The following MORC1 variants were observed in gnomAD, a reference collection of about 807,000 sequenced individuals.
MORC1 encodes MORC family CW-type zinc finger 1.
MORC1 carries 59 observed loss-of-function variants against 134.9 expected under a neutral mutation model. The ratio of observed to expected loss-of-function variants is 0.44; its 90% confidence interval spans 0.35 to 0.54. The LOEUF (loss-of-function observed/expected upper bound fraction) is 0.54, where lower values mean the gene tolerates loss of function less well. MORC1 is among the 20% of genes least tolerant of loss of function. The probability of loss-of-function intolerance (pLI) is 0.00; values close to 1 mark genes in which losing one functional copy is unlikely to be tolerated. For missense variants in MORC1, 947 were observed against 1,134.5 expected, an observed-to-expected ratio of 0.83 and a Z score of 2.37; for synonymous variants, 395 against 391.7, an observed-to-expected ratio of 1.01 and a Z score of -0.10.
intron 8 of MORC1, among the ~76,000 whole-genome samples, chr3:109,075,319 T>C (rs773365771): frequency 2.6e-5 from 4 of 152,168 alleles, no homozygotes; most frequent in Non-Finnish European, 5.9e-5. Context: ...AAGAAAACTA[T>C]ATGACCCACT....
intron 15 of MORC1, among the ~76,000 whole-genome samples, chr3:109,033,610 A>C (rs941743661): frequency 6.6e-6 from 1 of 152,186 alleles, no homozygotes; most frequent in Non-Finnish European, 1.5e-5. Flanking sequence ...AAGGTTAAGA[A>C]CTTGAACAGC....
intron 8 of MORC1, among the ~76,000 whole-genome samples, chr3:109,090,004 G>C (rs898852636): frequency 1.1e-4 from 16 of 152,022 alleles, no homozygotes; most frequent in African/African-American, 3.4e-4. Context: ...GGCACTCTCC[G>C]TAAGTCATAT....
At chr3:109,007,208 A>C in intron 17 of MORC1, 117 bp from the exon 18 acceptor site, 8 of 711,846 alleles carry the variant, frequency 1.1e-5, no homozygotes, top group Non-Finnish European at 1.6e-5. Flanking sequence ...GCAAACCCTC[A>C]TGAATAATTG....
intron 6 of MORC1, among the ~76,000 whole-genome samples, chr3:109,098,501 C>A (rs1026049688): frequency 2.2e-4 from 34 of 152,300 alleles, no homozygotes; most frequent in African/African-American, 7.7e-4. Context: ...ACCGTCCATC[C>A]AAACTCCATA....
At chr3:108,984,859 C>A (rs138140588) in intron 22 of MORC1, 77 bp from the exon 23 acceptor site, 9 of 1,020,566 alleles carry the variant, frequency 8.8e-6, no homozygotes, top group African/African-American at 1.6e-5. Context: ...GTTAGCAGTT[C>A]ATTAACTACC....
At chr3:109,084,840 C>T (rs1950586743) in intron 8 of MORC1, among the ~76,000 whole-genome samples, 1 of 151,998 alleles carries the variant, frequency 6.6e-6, no homozygotes, top group Non-Finnish European at 1.5e-5. Flanking sequence ...AGATATAAAT[C>T]CACACATTTA....
intron 13 of MORC1, among the ~76,000 whole-genome samples, chr3:109,055,776 C>A (rs13087474): frequency 0.42 from 64,386 of 151,968 alleles, 14,352 homozygotes; most frequent in Middle Eastern, 0.55. Context: ...TCTCTTTTAC[C>A]GAAGGGTGGC....
chr3:109,005,360 A>G (rs1948514308), intron 18 of MORC1, 45 bp from the exon 19 acceptor site: 1 of 1,488,970 alleles, frequency 6.7e-7, no homozygotes, highest in East Asian at 2.3e-5. Context: ...TAGATAGCCT[A>G]TTTATAATTA....
rs1175317990 is a variant in MORC1, at chr3:108,958,988, T to C, written c.2932A>G (p.Asn978Asp). 1 of 1,508,994 alleles carries C rather than the reference T, an allele frequency of 6.6e-7. No homozygotes were observed. The highest frequency in any genetic ancestry group is 8.8e-7 in the Non-Finnish European group (1 of 1,131,210). The allele number at this position is 1,508,994 out of a possible 1,614,324, so 93.5% of individuals were successfully genotyped here. ...ACTTAATTTTCCGAAGTCTTTTCAT[T>C]TTTTTCTAAAGGGAGTCTATGTCTT... ...DARHRLPLEK[N>D]EKTSEN The change falls in exon 28 of 28, where the codon AAT (asparagine) becomes GAT (aspartate). Residue 978 changes from asparagine (N) to aspartate (D), a missense_variant. By Grantham distance (23) the Asn-to-Asp change is conservative. Around this residue, in one of 3 missense-constraint regions of MORC1, gnomAD observed 722 missense variants for 817.0 expected, o/e 0.88. Transcript: ENST00000232603.
At position 108,974,025 on chromosome 3, in the gene MORC1, G is replaced by T. The variant is rs113390994; in HGVS notation, c.2478-2623C>A. On this transcript the variant is annotated intron_variant, in intron 24 of 27. Coordinates refer to ENST00000232603, the MANE Select transcript of MORC1 (RefSeq NM_014429.4). The stretch of plus-strand genomic sequence containing the variant: ...TATTCCTATTTTCTCTGATTTCCTG[G>T]CTATTACAGACACCCCCACCCCCCC... Among the ~76,000 whole-genome samples the T allele has an allele frequency of 7.7e-3, 1,169 of 151,952 alleles. 10 individuals are homozygous for T. The highest frequency in any genetic ancestry group is 0.017 in the African/African-American group (713 of 41,392).
In MORC1 at chr3:109,012,207, T is replaced by C. The variant is rs149210593; in HGVS notation, c.1705-5116A>G. 1.9e-3 allele frequency among the ~76,000 whole-genome samples: 285 copies of C among 152,316 alleles called. 3 individuals are homozygous for C. Among genetic ancestry groups the C allele is most frequent in the African/African-American group, 6.1e-3 (253 of 41,574 alleles). On this transcript the variant is annotated intron_variant, in intron 17 of 27. Coordinates refer to ENST00000232603, the MANE Select transcript of MORC1 (RefSeq NM_014429.4). ...TGGTTCCATTTGTTGAAAAGATTCTTATTCTCTCATTAAAATGTCTTGATC... is the reference window on the plus strand; with the variant it reads ...TGGTTCCATTTGTTGAAAAGATTCTCATTCTCTCATTAAAATGTCTTGATC...
intron 16 of MORC1, among the ~76,000 whole-genome samples, chr3:109,031,912 C>A (rs903722952): frequency 6.6e-6 from 1 of 152,130 alleles, no homozygotes; most frequent in Non-Finnish European, 1.5e-5. Context: ...ATCTAAGACC[C>A]TTTGCCACCT....
chr3:109,054,999 G>T, intron 13 of MORC1, 117 bp from the exon 14 acceptor site: 1 of 925,190 alleles, frequency 1.1e-6, no homozygotes, highest in Non-Finnish European at 1.6e-6. Flanking sequence ...CTGTTGATCT[G>T]GACCATGTCA....
At chr3:108,997,232 T>C (rs1448233681) in intron 21 of MORC1, among the ~76,000 whole-genome samples, 1 of 152,014 alleles carries the variant, frequency 6.6e-6, no homozygotes, top group Non-Finnish European at 1.5e-5. Flanking sequence ...GAATGTGGTT[T>C]TTAAAAATTG....
Position 108,963,560 on chromosome 3 carries a change from A to T in MORC1, c.2653T>A (p.Leu885Met). 1 of 1,591,728 alleles carries T rather than the reference A, an allele frequency of 6.3e-7. No individual in the cohort carries two copies. Among genetic ancestry groups the T allele is most frequent in the South Asian group, 1.1e-5 (1 of 87,170 alleles). ...TTTGAATCATAGATAATGGACTGCA[A>T]TTTCCTCTTTATTTTTTTTTCATAT... is the stretch of plus-strand genomic sequence containing the variant. The part of the protein sequence containing the change: ...VQYEKKIKRK[L>M]QSIIYDSNTR... The change falls in exon 27 of 28, where the codon TTG becomes ATG. Residue 885 changes from leucine (L) to methionine (M), a missense_variant. By Grantham distance (15) the Leu-to-Met change is conservative. Coordinates refer to ENST00000232603, the MANE Select transcript of MORC1 (RefSeq NM_014429.4).
In MORC1 at chr3:108,995,790, G is replaced by A. The variant is rs1448681827; in HGVS notation, c.2187+4767C>T. Among the ~76,000 whole-genome samples, 3 of 152,186 alleles carry A rather than the reference G, an allele frequency of 2.0e-5. No homozygotes were observed. In the East Asian group the frequency reaches 5.8e-4, roughly 30 times the overall value. The stretch of plus-strand genomic sequence containing the variant: ...CTGGGCAAGGCATGGATGATGGATT[G>A]GTCTTTTAAAATTGATTCAAGACAC... On this transcript the variant is annotated intron_variant, in intron 21 of 27. Coordinates refer to ENST00000232603, the MANE Select transcript of MORC1 (RefSeq NM_014429.4).
intron 17 of MORC1, among the ~76,000 whole-genome samples, chr3:109,016,750 G>A (rs1948823415): frequency 6.6e-6 from 1 of 152,156 alleles, no homozygotes; most frequent in African/African-American, 2.4e-5. Flanking sequence ...TGTAATCCCA[G>A]CTACTGGGGA....
At chr3:109,040,489 G>GA (rs1391927058) in intron 14 of MORC1, among the ~76,000 whole-genome samples, 1 of 80,860 alleles carries the variant, frequency 1.2e-5, no homozygotes, top group Non-Finnish European at 2.9e-5. Flanking sequence ...AGAAAGAAAG[G>GA]AAAGAAAAGA....
chr3:109,051,806 T>C (rs1012517207), intron 14 of MORC1, among the ~76,000 whole-genome samples: 1 of 151,888 alleles, frequency 6.6e-6, no homozygotes, highest in Non-Finnish European at 1.5e-5. Context: ...GACAGGGAAT[T>C]AGGTAAGGAG....
Sources: allele counts gnomAD v4.1 joint callset (sites outside exome capture counted in the v4.1 genomes callset), GRCh38; gene constraint gnomAD v4.1.1; regional missense constraint gnomAD v4.1.1; transcripts MANE v1.5; gene names NCBI Gene and HGNC (gene_info 2026-07-23, HGNC 2026-07-21).